The following PRKG1 variants were observed in gnomAD, a reference collection of about 807,000 sequenced individuals.
PRKG1 encodes cGMP-dependent protein kinase 1.
Under a neutral mutation model 88.1 loss-of-function variants are expected in PRKG1, and 35 were observed. The ratio of observed to expected loss-of-function variants is 0.40; its 90% CI spans 0.30 to 0.53. The LOEUF is 0.53. Among genes scored for constraint, PRKG1 ranks in the 20% least tolerant of loss-of-function variants. The probability of loss-of-function intolerance (pLI) is 0.59; values close to 1 mark genes in which losing one functional copy is unlikely to be tolerated. For missense variants in PRKG1, 540 were observed against 839.8 expected, an observed-to-expected ratio of 0.64 and a Z score of 4.41; for synonymous variants, 303 against 292.5, an observed-to-expected ratio of 1.04 and a Z score of -0.37.
chr10:51,188,021 T>C (rs1209526433), intron 2 of PRKG1, among the ~76,000 whole-genome samples: 1 of 152,078 alleles, frequency 6.6e-6, no homozygotes, highest in African/African-American at 2.4e-5. Flanking sequence ...CTGTCCTCTG[T>C]TGCTCCTAAG....
At chr10:51,689,013 G>C (rs993055625) in intron 3 of PRKG1, among the ~76,000 whole-genome samples, 2 of 152,008 alleles carry the variant, frequency 1.3e-5, no homozygotes, top group African/African-American at 4.8e-5. Context: ...TTAAAACAGT[G>C]GTATCCCTGC....
At chr10:51,564,424 C>T (rs1177708885) in intron 3 of PRKG1, among the ~76,000 whole-genome samples, 1 of 151,958 alleles carries the variant, frequency 6.6e-6, no homozygotes, top group Non-Finnish European at 1.5e-5. Flanking sequence ...AGGGATGTAT[C>T]ACTGAAGAGG....
At chr10:51,995,766 G>A (rs963636549) in intron 5 of PRKG1, among the ~76,000 whole-genome samples, 2 of 152,136 alleles carry the variant, frequency 1.3e-5, no homozygotes, top group African/African-American at 4.8e-5. Context: ...CTGAAAAATG[G>A]AGGTAAACAT....
chr10:51,169,433 T>C (rs536217941), intron 2 of PRKG1, among the ~76,000 whole-genome samples: 1 of 152,182 alleles, frequency 6.6e-6, no homozygotes, highest in Non-Finnish European at 1.5e-5. Flanking sequence ...TTTTGATATT[T>C]CAGCACCATT....
At chr10:51,656,752 A>G (rs16921060) in intron 3 of PRKG1, among the ~76,000 whole-genome samples, 2,674 of 152,040 alleles carry the variant, frequency 0.018, 89 homozygotes, top group African/African-American at 0.062. Flanking sequence ...AGTAGTATTC[A>G]TTTTCCTTCC....
intron 9 of PRKG1, among the ~76,000 whole-genome samples, chr10:52,228,081 A>C (rs769326899): frequency 1.3e-5 from 2 of 152,310 alleles, no homozygotes; most frequent in Non-Finnish European, 2.9e-5. Flanking sequence ...GAATTTTTAA[A>C]AGGCAAGTAA....
chr10:51,230,760 C>G (rs777693941), intron 2 of PRKG1, among the ~76,000 whole-genome samples: 11 of 151,126 alleles, frequency 7.3e-5, no homozygotes, highest in African/African-American at 2.4e-4. Flanking sequence ...AGTTGTTATA[C>G]TGTATTGCTT....
At chr10:51,457,751 GCTCTTCTTACGCATTAGT>G (rs1300724527) in intron 2 of PRKG1, among the ~76,000 whole-genome samples, 10 of 152,094 alleles carry the variant, frequency 6.6e-5, no homozygotes, top group Non-Finnish European at 1.5e-5. Context: ...AGTTGATAAA[GCTCTTCTTACGCATTAGT>G]CTACCATCTT....
intron 2 of PRKG1, among the ~76,000 whole-genome samples, chr10:51,208,553 C>G (rs1438819879): frequency 1.3e-5 from 2 of 152,080 alleles, no homozygotes; most frequent in African/African-American, 4.8e-5. Flanking sequence ...TAGGGGAGTT[C>G]AGAAATGAGA....
At chr10:51,659,199 G>A (rs930922552) in intron 3 of PRKG1, among the ~76,000 whole-genome samples, 1 of 152,108 alleles carries the variant, frequency 6.6e-6, no homozygotes, top group South Asian at 2.1e-4. Flanking sequence ...TAGGCTTGAA[G>A]ATTGGGTTAG....
chr10:51,834,389 C>T (rs1270924742), intron 4 of PRKG1, among the ~76,000 whole-genome samples: 1 of 152,072 alleles, frequency 6.6e-6, no homozygotes, highest in Non-Finnish European at 1.5e-5. Flanking sequence ...CCTGTAATCC[C>T]AACAACTTTG....
chr10:51,726,380 G>A (rs1842131053), intron 3 of PRKG1, among the ~76,000 whole-genome samples: 1 of 152,182 alleles, frequency 6.6e-6, no homozygotes, highest in African/African-American at 2.4e-5. Context: ...TAAGCATTGT[G>A]CATGTATGTA....
intron 5 of PRKG1, among the ~76,000 whole-genome samples, chr10:51,916,671 G>A (rs981535940): frequency 6.6e-6 from 1 of 152,124 alleles, no homozygotes; most frequent in African/African-American, 2.4e-5. Context: ...GCTCCTAGGT[G>A]CATACCCAAG....
At chr10:51,728,474 T>TTG (rs1554836044) in intron 3 of PRKG1, among the ~76,000 whole-genome samples, 35 of 142,140 alleles carry the variant, frequency 2.5e-4, no homozygotes, top group African/African-American at 4.7e-4. Flanking sequence ...TTTTTTTTTT[T>TTG]TTTTTTAATC....
intron 12 of PRKG1, among the ~76,000 whole-genome samples, chr10:52,280,221 G>T (rs1841972011): frequency 6.6e-6 from 1 of 152,114 alleles, no homozygotes; most frequent in African/African-American, 2.4e-5. Flanking sequence ...TTCAAAAACA[G>T]AAGAGTACTT....
intron 2 of PRKG1, among the ~76,000 whole-genome samples, chr10:51,210,894 A>T (rs1489575505): frequency 1.3e-5 from 2 of 152,224 alleles, no homozygotes; most frequent in African/African-American, 4.8e-5. Context: ...TACAAGGAGG[A>T]GCTGGTACCA....
Position 52,179,382 on chromosome 10 carries a change from C to G in PRKG1, c.1076+17419C>G, listed in dbSNP as rs113616049. On this transcript the variant is annotated intron_variant, in intron 9 of 17. Transcript: ENST00000373980. Reference sequence around the variant, plus strand: ...ATAATATTATTAGCTGACAGGTCCCCTCTTCTACTTTTGGTACTTTGACTA... The same window carrying G: ...ATAATATTATTAGCTGACAGGTCCCGTCTTCTACTTTTGGTACTTTGACTA... 1.3e-3 allele frequency among the ~76,000 whole-genome samples: 192 copies of G among 152,172 alleles called. 1 individual carries two copies. Among genetic ancestry groups the G allele is most frequent in the African/African-American group, 4.3e-3 (177 of 41,518 alleles).
chr10:51,783,324 G>A (rs1055740360), intron 3 of PRKG1, among the ~76,000 whole-genome samples: 2 of 151,956 alleles, frequency 1.3e-5, no homozygotes, highest in Admixed American at 6.6e-5. Context: ...TGTCCCTGAG[G>A]CTGGAGTTCA....
At chr10:51,958,324 T>C (rs193008129) in intron 5 of PRKG1, among the ~76,000 whole-genome samples, 339 of 152,234 alleles carry the variant, frequency 2.2e-3, no homozygotes, top group African/African-American at 7.8e-3. Context: ...AATTTGTGAT[T>C]GTAGAAGCAA....
Sources: gnomAD v4.1 joint callset for allele counts (sites outside exome capture counted in the v4.1 genomes callset) on GRCh38, gnomAD v4.1.1 for gene constraint, MANE v1.5 for transcripts, NCBI Gene and HGNC (gene_info 2026-07-23, HGNC 2026-07-21) for gene names.